MYH14: variants seen among roughly 807,000 people sequenced by gnomAD.
MYH14 encodes myosin-14.
Under a neutral mutation model 255.5 loss-of-function variants are expected in MYH14, and 123 were observed. The observed-to-expected ratio is 0.48, with a 90% confidence interval of 0.42 to 0.56. MYH14 has a LOEUF of 0.56. Ranked by LOEUF, MYH14 falls within the 20% of genes least tolerant of loss-of-function variation. MYH14 has a pLI of 0.00. For synonymous variants in MYH14, 1,095 were observed against 1,161.2 expected, an observed-to-expected ratio of 0.94 and a Z score of 1.16; for missense variants, 2,423 against 2,802.3, an observed-to-expected ratio of 0.86 and a Z score of 3.06.
chr19:50,265,366 A>G (rs1450928452), intron 22 of MYH14, among the ~76,000 whole-genome samples: 1 of 151,816 alleles, frequency 6.6e-6, no homozygotes, highest in African/African-American at 2.4e-5. Flanking sequence ...AAAAAAAACA[A>G]AAACAAAAAC....
intron 34 of MYH14, among the ~76,000 whole-genome samples, chr19:50,288,575 C>G (rs1025342414): frequency 1.3e-5 from 2 of 152,144 alleles, no homozygotes; most frequent in Admixed American, 1.3e-4. Flanking sequence ...GGAAGGGAGG[C>G]TAGAGGGCCC....
At chr19:50,260,164 T>C (rs1311339133) in intron 19 of MYH14, among the ~76,000 whole-genome samples, 1 of 151,982 alleles carries the variant, frequency 6.6e-6, no homozygotes, top group Non-Finnish European at 1.5e-5. Context: ...CTGTGGCTCA[T>C]GCCTGTAACC....
At position 50,310,057 on chromosome 19, in the gene MYH14, G is replaced by T; in HGVS notation, c.*267G>T. On this transcript the variant is annotated 3_prime_UTR_variant, in exon 43 of 43. Coordinates refer to ENST00000642316, the MANE Select transcript of MYH14 (RefSeq NM_001145809.2). The stretch of plus-strand genomic sequence containing the variant: ...GGACTGGGTACAGTTGGCAAGCTGT[G>T]TTTCCATCAGCTCCCTGTCCTCCTT... 1 of 567,896 alleles carries T rather than the reference G, an allele frequency of 1.8e-6. No homozygotes were observed. The highest frequency in any genetic ancestry group is 3.1e-6 in the Non-Finnish European group (1 of 320,832). The allele number at this position is 567,896 out of a possible 1,614,324, so 35.2% of individuals were successfully genotyped here.
intron 34 of MYH14, among the ~76,000 whole-genome samples, chr19:50,288,881 T>G (rs1477063262): frequency 1.3e-5 from 2 of 152,094 alleles, no homozygotes; most frequent in African/African-American, 4.8e-5. Flanking sequence ...GGGGAGTCTC[T>G]GAAAATTCAT....
At chr19:50,218,583 G>A (rs1394995741) in intron 3 of MYH14, among the ~76,000 whole-genome samples, 2 of 150,776 alleles carry the variant, frequency 1.3e-5, no homozygotes, top group Non-Finnish European at 3.0e-5. Flanking sequence ...GGGAGACACA[G>A]GGAGACTCTG....
intron 20 of MYH14, among the ~76,000 whole-genome samples, chr19:50,261,050 C>A (rs2034835127): frequency 1.0e-5 from 1 of 97,154 alleles, no homozygotes; most frequent in Non-Finnish European, 2.2e-5. Flanking sequence ...CCCATCACCC[C>A]CTCCCCATCA....
At position 50,257,503 on chromosome 19, in the gene MYH14, G is replaced by T. The variant is rs2034636916; in HGVS notation, c.2232+17G>T. 1 of 1,583,812 alleles carries T rather than the reference G, an allele frequency of 6.3e-7. No individual in the cohort carries two copies. The highest frequency in any genetic ancestry group is 2.3e-5 in the East Asian group (1 of 43,312). ...GAGAAGAGGGTGAGTGACTCAGCCT[G>T]GGGAGGAAGGGGTGGCTGTGGCTGT... On this transcript the variant is annotated intron_variant, in intron 18 of 42. Transcript: ENST00000642316.
intron 11 of MYH14, among the ~76,000 whole-genome samples, chr19:50,244,708 C>T (rs111386507): frequency 0.017 from 2,549 of 152,200 alleles, 92 homozygotes; most frequent in African/African-American, 0.059. Flanking sequence ...TGGTCTCGAT[C>T]TCATGACCTC....
intron 9 of MYH14, 64 bp from the exon 10 acceptor site, chr19:50,231,866 A>C (rs2033408700): frequency 6.3e-7 from 1 of 1,596,868 alleles, no homozygotes; most frequent in Non-Finnish European, 8.6e-7. Context: ...GCCACCGATG[A>C]ATCCAGGATG....
At chr19:50,286,330 ACTT>A in intron 33 of MYH14, 149 bp from the exon 34 acceptor site, 1 of 752,284 alleles carries the variant, frequency 1.3e-6, no homozygotes, top group South Asian at 2.0e-5. Flanking sequence ...CACGGTTGCA[ACTT>A]TAATCCCTCT....
In MYH14 at chr19:50,273,601, G is replaced by GTGTGTGTGT. The variant is rs1555772397; in HGVS notation, c.3467+870_3467+871insTGTGTGTGT. Among the ~76,000 whole-genome samples the GTGTGTGTGT allele has an allele frequency of 6.6e-3, 907 of 137,564 alleles. 5 individuals carry two copies. The highest frequency in any genetic ancestry group is 0.015 in the African/African-American group (545 of 37,172). 90.2% of individuals were successfully genotyped at this position (137,564 alleles called of 152,430 possible). ...ATCTTAGAGTTGATGGAACATGGGGGGTGTGTGTGTGTGTGTGTGTGTGTG... is the reference window on the plus strand; with the variant it reads ...ATCTTAGAGTTGATGGAACATGGGGGTGTGTGTGTGTGTGTGTGTGTGTGTGTGTGTGTG... On this transcript the variant is annotated intron_variant, in intron 27 of 42. Transcript: ENST00000642316.
chr19:50,288,229 T>C (rs788327), intron 34 of MYH14, among the ~76,000 whole-genome samples: 80,877 of 152,008 alleles, frequency 0.53, 23,708 homozygotes, highest in African/African-American at 0.79. Context: ...GAATAGATGC[T>C]GTCTTGACAT....
chr19:50,288,384 C>T (rs1173801496), intron 34 of MYH14, among the ~76,000 whole-genome samples: 2 of 152,194 alleles, frequency 1.3e-5, no homozygotes, highest in Non-Finnish European at 2.9e-5. Context: ...CAGACCTGGC[C>T]TGCAGCCCTA....
At position 50,293,693 on chromosome 19, in the gene MYH14, C is replaced by T. The variant is rs764039902; in HGVS notation, c.5469+6C>T. 2.4e-5 allele frequency: 38 copies of T among 1,559,864 alleles called. No individual in the cohort carries two copies. The highest frequency in any genetic ancestry group is 1.7e-4 in the Middle Eastern group (1 of 5,744). On this transcript the variant is annotated splice_donor_region_variant and intron_variant, in intron 39 of 42. Coordinates refer to ENST00000642316, the MANE Select transcript of MYH14 (RefSeq NM_001145809.2). The surrounding 1 kb of genome is among the most constrained non-coding windows in gnomAD (Gnocchi z 4.1). Reference sequence around the variant, plus strand: ...ACCGCAAGCTGCTCCTGCAGGTGAGCGTGATTGACCGCCCCCACCAGCCTC... The same window carrying T: ...ACCGCAAGCTGCTCCTGCAGGTGAGTGTGATTGACCGCCCCCACCAGCCTC...
intron 27 of MYH14, among the ~76,000 whole-genome samples, chr19:50,275,532 T>G (rs1450366609): frequency 6.6e-6 from 1 of 152,152 alleles, no homozygotes; most frequent in Non-Finnish European, 1.5e-5. Flanking sequence ...AAACTGAGGT[T>G]CGAAATGAGT....
intron 1 of MYH14, among the ~76,000 whole-genome samples, chr19:50,204,943 C>T (rs1197399514): frequency 1.3e-5 from 2 of 150,960 alleles, no homozygotes; most frequent in African/African-American, 4.9e-5. Flanking sequence ...AAGAGCTGTT[C>T]TAAGAGGAGA....
At position 50,303,405 on chromosome 19, in the gene MYH14, A is replaced by G. The variant is rs1048144668; in HGVS notation, c.5678+1536A>G. On this transcript the variant is annotated intron_variant, in intron 40 of 42. Transcript: ENST00000642316. ...CAGGATTGTTCATATGACAGAGTCA[A>G]GGTTCTAAGAGCAAGGGAAAGTGCT... 4.6e-5 allele frequency among the ~76,000 whole-genome samples: 7 copies of G among 152,204 alleles called. 1 individual carries two copies. Among genetic ancestry groups the G allele is most frequent in the Admixed American group, 3.3e-4 (5 of 15,274 alleles).
Position 50,306,701 on chromosome 19 carries a change from A to G in MYH14, c.5679-348A>G, listed in dbSNP as rs538952019. Among the ~76,000 whole-genome samples the G allele has an allele frequency of 2.6e-5, 4 of 152,346 alleles. No individual in the cohort carries two copies. The East Asian group carries it at 7.7e-4, about 29-fold the overall frequency. On this transcript the variant is annotated intron_variant, in intron 40 of 42. Coordinates refer to ENST00000642316, the MANE Select transcript of MYH14 (RefSeq NM_001145809.2). ...AAGGATGTATTCAATTGTGAGAGAT[A>G]GTAAATGATTTTCAGGGGAAAATGA...
In MYH14 at chr19:50,286,505, T is replaced by C; in HGVS notation, c.4563T>C (p.Ala1521=). ...FDQLLAEEKA[A]VLRAVEERER... ...AGCTTCTGGCAGAGGAGAAGGCAGC[T>C]GTACTTCGGGCAGTGGAGGAACGTG... The change falls in exon 34 of 43, where the codon GCT becomes GCC. Residue 1521 remains alanine, a synonymous_variant. Coordinates refer to ENST00000642316, the MANE Select transcript of MYH14 (RefSeq NM_001145809.2). 6.2e-7 allele frequency: 1 copy of C among 1,613,298 alleles called. No individual in the cohort carries two copies. The highest frequency in any genetic ancestry group is 2.2e-5 in the East Asian group (1 of 44,862).
Sources: gnomAD v4.1 joint callset for allele counts (sites outside exome capture counted in the v4.1 genomes callset) on GRCh38, gnomAD v4.1.1 for gene constraint, Gnocchi (gnomAD v3.1) non-coding constraint, MANE v1.5 for transcripts, NCBI Gene and HGNC (gene_info 2026-07-23, HGNC 2026-07-21) for gene names.